Variants in TMEM132C observed in about 807,000 individuals in gnomAD.
The protein encoded by TMEM132C is transmembrane protein 132C, also known as protein phosphatase 1, regulatory subunit 152.
TMEM132C carries 29 observed loss-of-function variants against 61.4 expected under a neutral mutation model. That is an observed-to-expected ratio of 0.47 (90% confidence interval 0.35 to 0.64). The LOEUF is 0.64. Among genes scored for constraint, TMEM132C ranks in the 30% least tolerant of loss-of-function variants. The probability of loss-of-function intolerance (pLI) is 0.00; values close to 1 mark genes in which losing one functional copy is unlikely to be tolerated. For synonymous variants in TMEM132C, 656 were observed against 633.1 expected (o/e 1.04, Z -0.54); for missense variants, 1,408 against 1,476.9 (o/e 0.95, Z 0.76).
At chr12:128,691,716 C>T (rs981187874) in intron 5 of TMEM132C, among the ~76,000 whole-genome samples, 1 of 152,064 alleles carries the variant, frequency 6.6e-6, no homozygotes, top group Non-Finnish European at 1.5e-5. Flanking sequence ...CCCATCAGTT[C>T]ATCTATCTAT....
intron 1 of TMEM132C, among the ~76,000 whole-genome samples, chr12:128,411,832 A>G (rs895022240): frequency 6.6e-6 from 1 of 152,212 alleles, no homozygotes; most frequent in Non-Finnish European, 1.5e-5. Context: ...TGGAGTTTAT[A>G]TATACCAATC....
chr12:128,541,221 G>A (rs775038512), intron 2 of TMEM132C, among the ~76,000 whole-genome samples: 3 of 152,146 alleles, frequency 2.0e-5, no homozygotes, highest in Non-Finnish European at 4.4e-5. Context: ...AGGGTATAGG[G>A]GAAGGAGTAT....
intron 3 of TMEM132C, among the ~76,000 whole-genome samples, chr12:128,549,354 A>G (rs1417539868): frequency 6.6e-6 from 1 of 152,074 alleles, no homozygotes; most frequent in Non-Finnish European, 1.5e-5. Flanking sequence ...ACCCAGACAT[A>G]CGGGGTGGGT....
chr12:128,442,773 G>GT (rs1869841685), intron 2 of TMEM132C, among the ~76,000 whole-genome samples: 2 of 152,078 alleles, frequency 1.3e-5, no homozygotes, highest in African/African-American at 2.4e-5. Context: ...CGCTTCAGTG[G>GT]CACTTACTGT....
chr12:128,539,252 T>C (rs907011704), intron 2 of TMEM132C, among the ~76,000 whole-genome samples: 1 of 152,198 alleles, frequency 6.6e-6, no homozygotes, highest in Admixed American at 6.5e-5. Flanking sequence ...CCAGCTTCAC[T>C]TTGTGGTTTG....
intron 1 of TMEM132C, among the ~76,000 whole-genome samples, chr12:128,309,726 C>CTTTTTTTTTTTTTTTTTTTTTTCT (rs1212792170): frequency 6.9e-6 from 1 of 144,500 alleles, no homozygotes. Context: ...TCCTTTTTTT[C>CTTTTTTTTTTTTTTTTTTTTTTCT]TTTTTTTTTT....
At chr12:128,306,590 G>A (rs995147178) in intron 1 of TMEM132C, among the ~76,000 whole-genome samples, 1 of 152,156 alleles carries the variant, frequency 6.6e-6, no homozygotes, top group Non-Finnish European at 1.5e-5. Context: ...GCTAATGAAT[G>A]ATTGAGGTGT....
At chr12:128,571,781 A>G (rs1874893777) in intron 3 of TMEM132C, among the ~76,000 whole-genome samples, 1 of 152,174 alleles carries the variant, frequency 6.6e-6, no homozygotes, top group South Asian at 2.1e-4. Context: ...ACTCAGATCT[A>G]TTCCATTAAG....
intron 1 of TMEM132C, among the ~76,000 whole-genome samples, chr12:128,356,400 A>G (rs1873506139): frequency 1.3e-5 from 2 of 152,186 alleles, no homozygotes; most frequent in South Asian, 4.1e-4. Context: ...AAAGAGTTGA[A>G]TTTGCATCAA....
At chr12:128,376,325 G>A (rs1354457995) in intron 1 of TMEM132C, among the ~76,000 whole-genome samples, 1 of 152,158 alleles carries the variant, frequency 6.6e-6, no homozygotes, top group African/African-American at 2.4e-5. Flanking sequence ...GATCGAATTT[G>A]TTCTTGGATG....
At chr12:128,380,170 A>G (rs1209683353) in intron 1 of TMEM132C, among the ~76,000 whole-genome samples, 1 of 152,266 alleles carries the variant, frequency 6.6e-6, no homozygotes, top group Non-Finnish European at 1.5e-5. Flanking sequence ...TACTACACAG[A>G]AAGGAAGCTT....
chr12:128,581,812 A>C (rs1000680203), intron 3 of TMEM132C, among the ~76,000 whole-genome samples: 1 of 152,234 alleles, frequency 6.6e-6, no homozygotes, highest in Admixed American at 6.5e-5. Flanking sequence ...TTCCCCGAAG[A>C]GATGTATTGG....
At chr12:128,638,791 G>C (rs1431241272) in intron 4 of TMEM132C, among the ~76,000 whole-genome samples, 2 of 152,052 alleles carry the variant, frequency 1.3e-5, no homozygotes, top group African/African-American at 2.4e-5. Flanking sequence ...AAGGCTGCTG[G>C]TGGTGATGGT....
chr12:128,457,323 CA>C (rs1056082883), intron 2 of TMEM132C, among the ~76,000 whole-genome samples: 1 of 132,272 alleles, frequency 7.6e-6, no homozygotes, highest in Non-Finnish European at 1.6e-5. Context: ...AAAAAAAAAA[CA>C]GCGCTTTGGG....
intron 2 of TMEM132C, among the ~76,000 whole-genome samples, chr12:128,489,420 C>T (rs1238009218): frequency 1.3e-5 from 2 of 151,066 alleles, no homozygotes; most frequent in East Asian, 1.9e-4. Flanking sequence ...TAGCACAGAG[C>T]GTTTAAGGGC....
Position 128,426,853 on chromosome 12 carries a change from G to A in TMEM132C, c.974+11233G>A, listed in dbSNP as rs564858982. Among the ~76,000 whole-genome samples, 14 of 152,274 alleles carry A rather than the reference G, an allele frequency of 9.2e-5. No individual in the cohort carries two copies. The South Asian group carries it at 1.0e-3, about 11-fold the overall frequency. On this transcript the variant is annotated intron_variant, in intron 2 of 8. Transcript: ENST00000435159. ...AAAGGAACCAGAGGCTTTCTGACCC[G>A]AATTCTGCCTTCTTGCTTCCACGTT...
chr12:128,564,498 G>A (rs1016635270), intron 3 of TMEM132C, among the ~76,000 whole-genome samples: 4 of 152,142 alleles, frequency 2.6e-5, no homozygotes, highest in Non-Finnish European at 2.9e-5. Flanking sequence ...TGCCCACCCC[G>A]TGCTGCTTCT....
chr12:128,576,619 G>A (rs780275181), intron 3 of TMEM132C, among the ~76,000 whole-genome samples: 2 of 152,156 alleles, frequency 1.3e-5, no homozygotes, highest in Non-Finnish European at 2.9e-5. Context: ...CTGGCACTTG[G>A]TATGCATCTC....
At chr12:128,593,112 A>G (rs1486847132) in intron 3 of TMEM132C, among the ~76,000 whole-genome samples, 2 of 131,508 alleles carry the variant, frequency 1.5e-5, no homozygotes, top group Admixed American at 8.2e-5. Context: ...TTCTCTCTCC[A>G]TCTTCCTTTC....
Sources: gnomAD v4.1 joint callset for allele counts (sites outside exome capture counted in the v4.1 genomes callset) on GRCh38, gnomAD v4.1.1 for gene constraint, MANE v1.5 for transcripts, NCBI Gene and HGNC (gene_info 2026-07-23, HGNC 2026-07-21) for gene names.